Variants in SPNS2 observed in about 807,000 individuals in gnomAD.
The protein encoded by SPNS2 is SPNS lysolipid transporter 2, sphingosine-1-phosphate.
A neutral mutation model predicts 57.6 loss-of-function variants in SPNS2; 37 were observed. The observed-to-expected ratio is 0.64, with a 90% CI of 0.49 to 0.85. The LOEUF (loss-of-function observed/expected upper bound fraction) is 0.85. Among genes scored for constraint, SPNS2 ranks in the 40% least tolerant of loss-of-function variants. The probability of loss-of-function intolerance (pLI) is 0.00; values close to 1 mark genes in which losing one functional copy is unlikely to be tolerated. For synonymous variants in SPNS2, 440 were observed against 346.9 expected (o/e 1.27, Z -2.98); for missense variants, 831 against 779.1 (o/e 1.07, Z -0.79).
In SPNS2 at chr17:4,533,443, C is replaced by CG; in HGVS notation, c.1278+16dup. ...ATCGTAGGAGCCTATGTGAGTGCAGCGGGGGTCAAGGGTGCTGGGGGAGCT... is the reference window on the plus strand; with the variant it reads ...ATCGTAGGAGCCTATGTGAGTGCAGCGGGGGGTCAAGGGTGCTGGGGGAGCT... On this transcript the variant is annotated intron_variant, in intron 8 of 12. Coordinates refer to ENST00000329078, the MANE Select transcript of SPNS2 (RefSeq NM_001124758.3). 2 of 1,585,006 alleles carry CG rather than the reference C, an allele frequency of 1.3e-6. No individual in the cohort carries two copies. Among genetic ancestry groups the CG allele is most frequent in the Non-Finnish European group, 1.7e-6 (2 of 1,164,794 alleles).
chr17:4,503,047 A>G (rs1198245893), intron 1 of SPNS2, among the ~76,000 whole-genome samples: 3 of 152,192 alleles, frequency 2.0e-5, no homozygotes, highest in Non-Finnish European at 4.4e-5. Context: ...CGTTGCTTCA[A>G]TTGGATGAAA....
At position 4,536,436 on chromosome 17, in the gene SPNS2, G is replaced by C; in HGVS notation, c.1607+10G>C. ...CCAGGGCTGAGCAGCAGTGAGTGGGGGGGAGGGGAGGCCCTGCTGCACCGC... is the reference window on the plus strand; with the variant it reads ...CCAGGGCTGAGCAGCAGTGAGTGGGCGGGAGGGGAGGCCCTGCTGCACCGC... On this transcript the variant is annotated intron_variant, in intron 11 of 12. Coordinates refer to ENST00000329078, the MANE Select transcript of SPNS2 (RefSeq NM_001124758.3). 6.3e-7 allele frequency: 1 copy of C among 1,596,040 alleles called. No homozygotes were observed. The highest frequency in any genetic ancestry group is 1.1e-5 in the South Asian group (1 of 90,866).
At chr17:4,513,421 T>G in intron 2 of SPNS2, 109 bp downstream of exon 2, 1 of 1,207,212 alleles carries the variant, frequency 8.3e-7, no homozygotes, top group Non-Finnish European at 1.2e-6. Flanking sequence ...TCCTGACTCC[T>G]GGAAAGAGAG....
intron 1 of SPNS2, among the ~76,000 whole-genome samples, chr17:4,507,337 G>A (rs1904710393): frequency 6.6e-6 from 1 of 152,230 alleles, no homozygotes; most frequent in Admixed American, 6.5e-5. Context: ...CCCCATTTTG[G>A]ATAAAAGAAA....
intron 5 of SPNS2, 28 bp downstream of exon 5, chr17:4,531,147 A>ACACCCTCCGGTCCAGACCT: frequency 6.2e-7 from 1 of 1,611,578 alleles, no homozygotes; most frequent in East Asian, 2.2e-5. Flanking sequence ...TCCCATGAGG[A>ACACCCTCCGGTCCAGACCT]CACCCTCCGG....
At chr17:4,508,152 G>T (rs567213304) in intron 1 of SPNS2, among the ~76,000 whole-genome samples, 2 of 152,308 alleles carry the variant, frequency 1.3e-5, no homozygotes, top group South Asian at 2.1e-4. Context: ...GGAGAGAGGC[G>T]CAGGTATCCT....
intron 1 of SPNS2, among the ~76,000 whole-genome samples, chr17:4,507,165 C>A (rs536526295): frequency 6.6e-6 from 1 of 152,170 alleles, no homozygotes; most frequent in East Asian, 1.9e-4. Context: ...CTGTAATTAC[C>A]GGGGTGGGAG....
At chr17:4,536,216 G>GA (rs761625523) in intron 10 of SPNS2, 42 bp downstream of exon 10, 23 of 1,608,462 alleles carry the variant, frequency 1.4e-5, no homozygotes, top group Middle Eastern at 1.7e-4. Context: ...CAGGCTGGGG[G>GA]ACTGCAGGAG....
intron 2 of SPNS2, among the ~76,000 whole-genome samples, chr17:4,519,544 C>T (rs190736832): frequency 7.9e-5 from 12 of 152,264 alleles, no homozygotes; most frequent in South Asian, 2.1e-4. Context: ...CTGTCACGGC[C>T]CTGCCCGCTC....
chr17:4,537,401 T>C (rs1375607543), intron 12 of SPNS2, 52 bp from the exon 13 acceptor site: 1 of 410,390 alleles, frequency 2.4e-6, no homozygotes, highest in Non-Finnish European at 5.0e-6. Flanking sequence ...GAGGGCAGCC[T>C]TGGCACAGGC....
rs114860587 is a variant in SPNS2, at chr17:4,510,545, T to G, written c.371-2702T>G. ...AGGGAGGAAGCGAGAGTGCTTTGAT[T>G]TGCCGTGGACACAGGATGTCATCAT... is the stretch of plus-strand genomic sequence containing the variant. On this transcript the variant is annotated intron_variant, in intron 1 of 12. Transcript: ENST00000329078. This position sits in a 1 kb window ranked among gnomAD's most constrained non-coding sequence, Gnocchi z 4.4. Among the ~76,000 whole-genome samples, 465 of 152,276 alleles carry G rather than the reference T, an allele frequency of 3.1e-3. 1 individual carries two copies. Among genetic ancestry groups the G allele is most frequent in the African/African-American group, 0.011 (439 of 41,560 alleles).
Position 4,538,614 on chromosome 17 carries a change from GTGGTTC to G in SPNS2, c.*1171_*1176del. 2.2e-6 allele frequency: 1 copy of G among 464,806 alleles called. No homozygotes were observed. Among genetic ancestry groups the G allele is most frequent in the Non-Finnish European group, 3.9e-6 (1 of 256,380 alleles). 28.8% of individuals were successfully genotyped at this position (464,806 alleles called of 1,614,324 possible). ...TCCCTGCACTTCTGCTGCAATCAAG[GTGGTTC>G]TGGTGCGGGGGTGGGGTGGGGGGTG... is the stretch of plus-strand genomic sequence containing the variant. On this transcript the variant is annotated 3_prime_UTR_variant, in exon 13 of 13. Transcript: ENST00000329078.
In SPNS2 at chr17:4,511,813, G is replaced by A. The variant is rs562884619; in HGVS notation, c.371-1434G>A. On this transcript the variant is annotated intron_variant, in intron 1 of 12. Transcript: ENST00000329078. This position sits in a 1 kb window ranked among gnomAD's most constrained non-coding sequence, Gnocchi z 4.6. ...CATCCGCCCGTCTGTCCTGCATTCC[G>A]GGAAATTGCTCAGGATTCCAACCTG... is the stretch of plus-strand genomic sequence containing the variant. Among the ~76,000 whole-genome samples, 16 of 152,272 alleles carry A rather than the reference G, an allele frequency of 1.1e-4. No homozygotes were observed. The South Asian group carries it at 2.5e-3, about 24-fold the overall frequency.
At chr17:4,522,480 T>C (rs1180262008) in intron 2 of SPNS2, among the ~76,000 whole-genome samples, 1 of 152,192 alleles carries the variant, frequency 6.6e-6, no homozygotes, top group Admixed American at 6.5e-5. Context: ...CTGTTCTTGC[T>C]GGCATAAAAG....
Position 4,533,300 on chromosome 17 carries a change from A to C in SPNS2, c.1146A>C (p.Ala382=). The change falls in exon 8 of 13, where the codon GCA becomes GCC. Residue 382 remains alanine (A), a synonymous_variant. Coordinates refer to ENST00000329078, the MANE Select transcript of SPNS2 (RefSeq NM_001124758.3). ...FTGFLGVVTG[A]GATRWCRLKT... ...GATTTCTGGGCGTGGTCACGGGGGC[A>C]GGAGCCACGCGCTGGTGCCGCCTGA... The C allele has an allele frequency of 1.2e-6, 2 of 1,611,408 alleles. No homozygotes were observed. The highest frequency in any genetic ancestry group is 1.7e-6 in the Non-Finnish European group (2 of 1,178,996).
chr17:4,536,519 G>C, intron 11 of SPNS2, 93 bp downstream of exon 11: 2 of 1,428,808 alleles, frequency 1.4e-6, no homozygotes, highest in Admixed American at 4.0e-5. Context: ...GGGCGGGGAG[G>C]GTACAGACCT....
chr17:4,520,763 A>C (rs1269625584), intron 2 of SPNS2, among the ~76,000 whole-genome samples: 1 of 152,090 alleles, frequency 6.6e-6, no homozygotes. Flanking sequence ...CCAAACTGGG[A>C]TTTAAATTCT....
chr17:4,526,567 C>T (rs1905267374), intron 3 of SPNS2, among the ~76,000 whole-genome samples: 2 of 150,730 alleles, frequency 1.3e-5, no homozygotes, highest in African/African-American at 4.9e-5. Flanking sequence ...CGCACCACTG[C>T]ACTCCAGCCT....
At chr17:4,522,010 C>T (rs1905151492) in intron 2 of SPNS2, among the ~76,000 whole-genome samples, 1 of 152,100 alleles carries the variant, frequency 6.6e-6, no homozygotes, top group African/African-American at 2.4e-5. Context: ...ACCAGCCTGG[C>T]CAACATGGCA....
Sources: allele counts gnomAD v4.1 joint callset (sites outside exome capture counted in the v4.1 genomes callset), GRCh38; gene constraint gnomAD v4.1.1; non-coding constraint Gnocchi (gnomAD v3.1); transcripts MANE v1.5; gene names NCBI Gene and HGNC (gene_info 2026-07-23, HGNC 2026-07-21).